The following DLG2 variants were observed in gnomAD, a reference collection of about 807,000 sequenced individuals.
The protein encoded by DLG2 is discs large MAGUK scaffold protein 2, also known as disks large homolog 2.
DLG2 carries 45 observed loss-of-function variants against 132.5 expected under a neutral mutation model. The ratio of observed to expected loss-of-function variants is 0.34; its 90% CI spans 0.27 to 0.44. The LOEUF (loss-of-function observed/expected upper bound fraction) is 0.44. Ranked by LOEUF, DLG2 falls within the 20% of genes least tolerant of loss-of-function variation. DLG2 has a pLI of 1.00. For synonymous variants in DLG2, 424 were observed against 419.6 expected (o/e 1.01, Z -0.13); for missense variants, 1,045 against 1,196.9 (o/e 0.87, Z 1.87).
intron 3 of DLG2, among the ~76,000 whole-genome samples, chr11:85,299,061 C>G (rs1423740048): frequency 6.6e-6 from 1 of 152,118 alleles, no homozygotes; most frequent in African/African-American, 2.4e-5. Flanking sequence ...ACCCACTTTT[C>G]AACTTCAAGA....
chr11:83,759,008 T>C (rs2093777193), intron 18 of DLG2, among the ~76,000 whole-genome samples: 1 of 152,206 alleles, frequency 6.6e-6, no homozygotes, highest in South Asian at 2.1e-4. Flanking sequence ...GAGTGGTTAA[T>C]TGATGGCTTC....
chr11:83,827,509 G>A (rs953256464), intron 17 of DLG2, among the ~76,000 whole-genome samples: 8 of 151,940 alleles, frequency 5.3e-5, no homozygotes, highest in African/African-American at 1.9e-4. Flanking sequence ...CCTTCACTTC[G>A]ACAGCTGCAG....
At chr11:85,574,936 A>G (rs936318438) in intron 3 of DLG2, among the ~76,000 whole-genome samples, 1 of 151,962 alleles carries the variant, frequency 6.6e-6, no homozygotes, top group African/African-American at 2.4e-5. Context: ...CTAGAATCTA[A>G]CCACTCTCAC....
intron 11 of DLG2, among the ~76,000 whole-genome samples, chr11:84,047,881 T>G (rs1208625244): frequency 6.6e-6 from 1 of 151,656 alleles, no homozygotes; most frequent in Non-Finnish European, 1.5e-5. Flanking sequence ...TGTTGTATTA[T>G]ACAGAACAGT....
Position 83,601,510 on chromosome 11 carries a change from C to CTTT in DLG2, c.1940+31698_1940+31700dup, listed in dbSNP as rs71066054. Among the ~76,000 whole-genome samples, 146 of 94,550 alleles carry CTTT rather than the reference C, an allele frequency of 1.5e-3. 7 individuals are homozygous for CTTT. Among genetic ancestry groups the CTTT allele is most frequent in the African/African-American group, 2.0e-3 (49 of 24,358 alleles). The allele number at this position is 94,550 out of a possible 152,430, so 62.0% of individuals were successfully genotyped here. A position where few individuals can be genotyped will look rare whatever the true frequency, so the allele number is the denominator to read the frequency against. ...CAGCTGCAAAGTAATATGTGATGTT[C>CTTT]TTTTTTTTTTTTTTTTTTTTTGACA... On this transcript the variant is annotated intron_variant, in intron 19 of 27. Transcript: ENST00000376104.
chr11:84,453,504 G>GC (rs1327720064), intron 7 of DLG2, among the ~76,000 whole-genome samples: 2 of 151,506 alleles, frequency 1.3e-5, no homozygotes, highest in Non-Finnish European at 3.0e-5. Flanking sequence ...ACCAGGTAAG[G>GC]CCCAAAAGTT....
chr11:84,905,677 A>C (rs2091419494), intron 6 of DLG2, among the ~76,000 whole-genome samples: 1 of 152,158 alleles, frequency 6.6e-6, no homozygotes, highest in South Asian at 2.1e-4. Context: ...CTTTCCTTCA[A>C]AAGTAAGCAT....
intron 8 of DLG2, among the ~76,000 whole-genome samples, chr11:84,241,244 G>T (rs998636335): frequency 6.6e-6 from 1 of 152,282 alleles, no homozygotes; most frequent in East Asian, 1.9e-4. Context: ...GGGTTTCTGA[G>T]GTATAACTGT....
chr11:84,336,101 A>C (rs933928934), intron 7 of DLG2, among the ~76,000 whole-genome samples: 2 of 152,194 alleles, frequency 1.3e-5, no homozygotes, highest in Non-Finnish European at 2.9e-5. Flanking sequence ...GTATTTACCA[A>C]TAGGAACTTT....
intron 19 of DLG2, among the ~76,000 whole-genome samples, chr11:83,552,777 G>T (rs960248769): frequency 6.6e-6 from 1 of 152,156 alleles, no homozygotes; most frequent in Non-Finnish European, 1.5e-5. Context: ...TTTATAAAGT[G>T]CAAATCAAAT....
At chr11:83,510,242 A>G (rs1488107985) in intron 21 of DLG2, among the ~76,000 whole-genome samples, 2 of 146,100 alleles carry the variant, frequency 1.4e-5, no homozygotes, top group Non-Finnish European at 3.0e-5. Context: ...CCTCCTTCAG[A>G]TAGGAGAGGG....
Position 83,825,047 on chromosome 11 carries a change from GTTGTTT to G in DLG2, c.1722+8561_1722+8566del, listed in dbSNP as rs1356897387. ...TTTTATTGTTTTTCTTTTTGTTGTT[GTTGTTT>G]TTGTTTTTTATATATACACATATAT... On this transcript the variant is annotated intron_variant, in intron 17 of 27. Coordinates refer to ENST00000376104, the MANE Select transcript of DLG2 (RefSeq NM_001142699.3). Among the ~76,000 whole-genome samples, 310 of 141,304 alleles carry G rather than the reference GTTGTTT, an allele frequency of 2.2e-3. 1 individual carries two copies. Among genetic ancestry groups the G allele is most frequent in the African/African-American group, 7.9e-3 (301 of 37,890 alleles). The allele number at this position is 141,304 out of a possible 152,430, so 92.7% of individuals were successfully genotyped here. A position where few individuals can be genotyped will look rare whatever the true frequency, so the allele number is the denominator to read the frequency against.
intron 3 of DLG2, among the ~76,000 whole-genome samples, chr11:85,470,305 C>T (rs61907127): frequency 0.017 from 2,563 of 151,778 alleles, 36 homozygotes; most frequent in South Asian, 0.031. Flanking sequence ...CTAGGACACT[C>T]AGAAGAAGCC....
At chr11:83,476,796 C>T (rs755766553) in intron 22 of DLG2, among the ~76,000 whole-genome samples, 8 of 152,020 alleles carry the variant, frequency 5.3e-5, no homozygotes, top group Non-Finnish European at 1.0e-4. Context: ...CTTGGAGCTT[C>T]GGCTTCCTCA....
At chr11:84,218,984 GC>G (rs2154321915) in intron 8 of DLG2, among the ~76,000 whole-genome samples, 1 of 152,270 alleles carries the variant, frequency 6.6e-6, no homozygotes, top group South Asian at 2.1e-4. Context: ...TATTATGGCA[GC>G]TATTGGTACC....
intron 8 of DLG2, among the ~76,000 whole-genome samples, chr11:84,194,008 A>T (rs560379113): frequency 6.6e-6 from 1 of 152,332 alleles, no homozygotes; most frequent in African/African-American, 2.4e-5. Flanking sequence ...AAAGGACCAC[A>T]GACTCAAAGA....
intron 7 of DLG2, among the ~76,000 whole-genome samples, chr11:84,263,430 G>T (rs530340633): frequency 6.6e-6 from 1 of 152,066 alleles, no homozygotes; most frequent in African/African-American, 2.4e-5. Context: ...CTTAGACAAG[G>T]CACCTCAAAA....
At chr11:84,859,274 A>T (rs964526321) in intron 6 of DLG2, among the ~76,000 whole-genome samples, 1 of 149,264 alleles carries the variant, frequency 6.7e-6, no homozygotes, top group East Asian at 2.0e-4. Context: ...CATGTTTTAT[A>T]TATGTATATA....
intron 6 of DLG2, among the ~76,000 whole-genome samples, chr11:84,908,552 C>A (rs549455196): frequency 3.9e-5 from 6 of 152,088 alleles, no homozygotes; most frequent in Admixed American, 2.0e-4. Flanking sequence ...GAATTTGATA[C>A]AGATTTTTAA....
Sources: gnomAD v4.1 joint callset for allele counts (sites outside exome capture counted in the v4.1 genomes callset) on GRCh38, gnomAD v4.1.1 for gene constraint, MANE v1.5 for transcripts, NCBI Gene and HGNC (gene_info 2026-07-23, HGNC 2026-07-21) for gene names.